The following DENND5A variants were observed in gnomAD, a reference collection of about 807,000 sequenced individuals.
The protein encoded by DENND5A is DENN domain-containing protein 5A.
In DENND5A, 64 loss-of-function variants were observed where a neutral mutation model predicts 140.3. That is an observed-to-expected ratio of 0.46 (90% CI 0.37 to 0.56). The LOEUF (loss-of-function observed/expected upper bound fraction) is 0.56, where lower values mean the gene tolerates loss of function less well. Ranked by LOEUF, DENND5A falls within the 20% of genes least tolerant of loss-of-function variation. The pLI is 0.00. For synonymous variants in DENND5A, 605 were observed against 607.7 expected, an observed-to-expected ratio of 1.00 and a Z score of 0.07; for missense variants, 1,292 against 1,593.8, an observed-to-expected ratio of 0.81 and a Z score of 3.22.
intron 3 of DENND5A, among the ~76,000 whole-genome samples, chr11:9,205,667 C>A (rs886147823): frequency 6.6e-6 from 1 of 152,210 alleles, no homozygotes; most frequent in East Asian, 1.9e-4. Flanking sequence ...TCAAGGTAGG[C>A]GGACTGTTTG....
chr11:9,228,204 C>T (rs917029758), intron 1 of DENND5A, among the ~76,000 whole-genome samples: 8 of 151,356 alleles, frequency 5.3e-5, no homozygotes, highest in African/African-American at 1.9e-4. Context: ...CAGATGAGCA[C>T]AGCGTTTGTA....
rs567905657 is a variant in DENND5A, at chr11:9,142,799, G to T, written c.3434C>A (p.Ser1145Ter). Residue 1145 changes from serine (S) to a stop codon, truncating the protein, a stop_gained, in exon 21 of 23, where the codon TCG becomes TAG. Transcript: ENST00000328194. LOFTEE classifies it high-confidence loss of function. ...ATGCTGGAAAGCCTGTTCCAAGGCC[G>T]AGACAAGGCCACACTCTCCACAGAG... is the stretch of plus-strand genomic sequence containing the variant. ...LLLCGECGLV[S>*]ALEQAFQHGF... is the part of the protein sequence containing the mutation. 6.2e-7 allele frequency: 1 copy of T among 1,614,178 alleles called. No individual in the cohort carries two copies. Among genetic ancestry groups the T allele is most frequent in the Non-Finnish European group, 8.5e-7 (1 of 1,180,030 alleles).
chr11:9,179,540 C>T (rs1171950514), intron 6 of DENND5A, among the ~76,000 whole-genome samples: 1 of 144,524 alleles, frequency 6.9e-6, no homozygotes, highest in Non-Finnish European at 1.5e-5. Context: ...GCTCTTGTTG[C>T]CCAGGCTGGA....
intron 1 of DENND5A, among the ~76,000 whole-genome samples, chr11:9,237,905 A>ACTT (rs1197634287): frequency 2.0e-5 from 3 of 152,164 alleles, no homozygotes; most frequent in African/African-American, 7.2e-5. Context: ...CATTTCTTGG[A>ACTT]TTCACCAAAG....
chr11:9,213,899 CATAT>C, intron 1 of DENND5A, among the ~76,000 whole-genome samples: 2 of 151,712 alleles, frequency 1.3e-5, no homozygotes. Flanking sequence ...CTCAACTTAC[CATAT>C]CAACAACAAT....
chr11:9,252,653 A>AG (rs1851780322), intron 1 of DENND5A, among the ~76,000 whole-genome samples: 1 of 152,122 alleles, frequency 6.6e-6, no homozygotes, highest in African/African-American at 2.4e-5. Context: ...CTCAAAAAAA[A>AG]AAACCAAAAA....
intron 12 of DENND5A, among the ~76,000 whole-genome samples, chr11:9,159,426 T>C (rs1158596613): frequency 6.6e-6 from 1 of 151,466 alleles, no homozygotes; most frequent in Non-Finnish European, 1.5e-5. Flanking sequence ...GTTCAAGCGA[T>C]CCTCCTGCCT....
chr11:9,245,013 G>A lies in DENND5A; in HGVS notation c.109+19948C>T, dbSNP rs546895885. Among the ~76,000 whole-genome samples the A allele has an allele frequency of 6.1e-3, 924 of 151,636 alleles. 3 individuals are homozygous for A. The highest frequency in any genetic ancestry group is 0.031 in the Middle Eastern group (9 of 294). ...TTAAAAGAGGCTTCAGGCCGGGTGC[G>A]GTGGCTCATGCCTGTAATCCCAGCA... On this transcript the variant is annotated intron_variant, in intron 1 of 22. Coordinates refer to ENST00000328194, the MANE Select transcript of DENND5A (RefSeq NM_015213.4).
Position 9,179,006 on chromosome 11 carries a change from C to T in DENND5A, c.1523G>A (p.Arg508Lys). 6.2e-7 allele frequency: 1 copy of T among 1,614,148 alleles called. No individual in the cohort carries two copies. Among genetic ancestry groups the T allele is most frequent in the African/African-American group, 1.3e-5 (1 of 75,052 alleles). Reference sequence around the variant, plus strand: ...GATCTGAATGTTTAGCTGGTAAATCCTGAGTTCTTCTTCATCACACTGAAC... The same window carrying T: ...GATCTGAATGTTTAGCTGGTAAATCTTGAGTTCTTCTTCATCACACTGAAC... ...LKVQCDEEEL[R>K]IYQLNIQIRE... is the part of the protein sequence containing the mutation. Residue 508 changes from arginine (R) to lysine (K), a missense_variant, in exon 7 of 23, where the codon AGG becomes AAG. Physicochemically the swap from Arg to Lys is conservative, Grantham distance 26. This residue lies in a region of DENND5A where 566 missense variants were observed against 650.4 expected (regional missense o/e 0.87). Transcript: ENST00000328194.
At chr11:9,150,850 C>A in intron 13 of DENND5A, 86 bp from the exon 14 acceptor site, 1 of 748,112 alleles carries the variant, frequency 1.3e-6, no homozygotes, top group South Asian at 1.8e-5. Context: ...TCACAAATTG[C>A]TATGGGAAAC....
intron 1 of DENND5A, among the ~76,000 whole-genome samples, chr11:9,213,167 C>A (rs1435114212): frequency 1.3e-5 from 2 of 151,992 alleles, no homozygotes; most frequent in African/African-American, 2.4e-5. Context: ...CCACATCCAG[C>A]TAATTTTTTT....
intron 15 of DENND5A, among the ~76,000 whole-genome samples, chr11:9,148,760 G>C (rs1033290075): frequency 1.3e-5 from 2 of 152,196 alleles, no homozygotes; most frequent in African/African-American, 4.8e-5. Flanking sequence ...TGTTCTCTCT[G>C]AGCTAAAGAT....
At chr11:9,229,350 C>CA (rs1334278594) in intron 1 of DENND5A, among the ~76,000 whole-genome samples, 2 of 151,764 alleles carry the variant, frequency 1.3e-5, no homozygotes, top group East Asian at 1.9e-4. Context: ...TATTGAGGCT[C>CA]AAAAAATGAT....
intron 10 of DENND5A, 139 bp downstream of exon 10, chr11:9,169,717 A>C (rs1848308820): frequency 1.7e-6 from 1 of 596,700 alleles, no homozygotes; most frequent in African/African-American, 1.9e-5. Flanking sequence ...ATCAGGAACT[A>C]GACCTATTAT....
intron 12 of DENND5A, among the ~76,000 whole-genome samples, chr11:9,160,348 A>G (rs910864020): frequency 1.3e-5 from 2 of 152,196 alleles, no homozygotes; most frequent in African/African-American, 4.8e-5. Flanking sequence ...CACTGTGAAT[A>G]TATGATTAGT....
At chr11:9,236,812 T>C (rs149769775) in intron 1 of DENND5A, among the ~76,000 whole-genome samples, 9 of 152,186 alleles carry the variant, frequency 5.9e-5, no homozygotes, top group Non-Finnish European at 1.3e-4. Flanking sequence ...GGATACAAAA[T>C]TGTATTTCTC....
chr11:9,163,412 T>A (rs1848058655), intron 11 of DENND5A, among the ~76,000 whole-genome samples: 1 of 152,198 alleles, frequency 6.6e-6, no homozygotes, highest in South Asian at 2.1e-4. Context: ...TTTTCCCACA[T>A]ATTAACATGT....
chr11:9,253,634 G>A (rs1049319487), intron 1 of DENND5A, among the ~76,000 whole-genome samples: 23 of 152,188 alleles, frequency 1.5e-4, no homozygotes, highest in Admixed American at 5.2e-4. Flanking sequence ...CAGGTGCGGT[G>A]GCTTATACCA....
intron 1 of DENND5A, among the ~76,000 whole-genome samples, chr11:9,223,159 CAAG>C (rs1297930596): frequency 6.6e-6 from 1 of 151,354 alleles, no homozygotes; most frequent in Non-Finnish European, 1.5e-5. Flanking sequence ...GGAGCTGAGA[CAAG>C]AAGATCACTT....
Sources: gnomAD v4.1 joint callset for allele counts (sites outside exome capture counted in the v4.1 genomes callset) on GRCh38, gnomAD v4.1.1 for gene constraint, gnomAD v4.1.1 regional missense constraint, MANE v1.5 for transcripts, NCBI Gene and HGNC (gene_info 2026-07-23, HGNC 2026-07-21) for gene names.